Variants in NEURL1 observed in about 807,000 individuals in gnomAD.
NEURL1 encodes the protein E3 ubiquitin-protein ligase NEURL1.
In NEURL1, 26 loss-of-function variants were observed where a neutral mutation model predicts 41.2. The observed-to-expected ratio is 0.63, with a 90% CI of 0.46 to 0.87. The LOEUF is 0.87. Among genes scored for constraint, NEURL1 ranks in the 40% least tolerant of loss-of-function variants. NEURL1 has a pLI of 0.00. For synonymous variants in NEURL1, 400 were observed against 402.3 expected (o/e 0.99, Z 0.07); for missense variants, 761 against 871.1 (o/e 0.87, Z 1.59).
Position 103,509,073 on chromosome 10 carries a change from A to G in NEURL1, c.85+14601A>G, listed in dbSNP as rs550349370. On this transcript the variant is annotated intron_variant, in intron 1 of 5. Coordinates refer to ENST00000369780, the MANE Select transcript of NEURL1 (RefSeq NM_004210.5). Reference sequence around the variant, plus strand: ...GCGAAAGCCCATCTCTATTAAAAATACAAAACAATTAGCTGGGTGTGGTGG... The same window carrying G: ...GCGAAAGCCCATCTCTATTAAAAATGCAAAACAATTAGCTGGGTGTGGTGG... 2.0e-5 allele frequency among the ~76,000 whole-genome samples: 3 copies of G among 152,210 alleles called. No homozygotes were observed. The South Asian group carries it at 6.2e-4, about 32-fold the overall frequency.
intron 1 of NEURL1, among the ~76,000 whole-genome samples, chr10:103,567,313 A>G (rs1294325685): frequency 6.6e-6 from 1 of 150,896 alleles, no homozygotes; most frequent in Non-Finnish European, 1.5e-5. Flanking sequence ...CTTCGTTTAT[A>G]GGTTATGAGT....
chr10:103,565,454 TCTGTTTCACAG>T (rs1312122654), intron 1 of NEURL1, among the ~76,000 whole-genome samples: 1 of 152,152 alleles, frequency 6.6e-6, no homozygotes, highest in African/African-American at 2.4e-5. Flanking sequence ...GAACCCCCGT[TCTGTTTCACAG>T]CTGTGGAAGG....
At chr10:103,524,409 CTTGA>C (rs1243087517) in intron 1 of NEURL1, among the ~76,000 whole-genome samples, 5 of 152,220 alleles carry the variant, frequency 3.3e-5, no homozygotes, top group South Asian at 4.1e-4. Flanking sequence ...TCTTCATTCT[CTTGA>C]TTATTTCCCT....
chr10:103,590,129 C>T lies in NEURL1; in HGVS notation c.1487-5C>T, dbSNP rs1002799535. 3 of 1,613,290 alleles carry T rather than the reference C, an allele frequency of 1.9e-6. No homozygotes were observed. Among genetic ancestry groups the T allele is most frequent in the African/African-American group, 1.3e-5 (1 of 75,054 alleles). On this transcript the variant is annotated splice_polypyrimidine_tract_variant and splice_region_variant and intron_variant, in intron 5 of 5. Transcript: ENST00000369780. ...TCCTCCTGACTGGTGCCCCCTTGTC[C>T]TCAGGGACAGCCCCCAATTCGCCAG... is the stretch of plus-strand genomic sequence containing the variant.
rs757996205 is a variant in NEURL1, at chr10:103,494,366, G to A, written c.-22G>A. 1.3e-6 allele frequency: 2 copies of A among 1,565,156 alleles called. No homozygotes were observed. Among genetic ancestry groups the A allele is most frequent in the Non-Finnish European group, 1.7e-6 (2 of 1,154,628 alleles). On this transcript the variant is annotated 5_prime_UTR_variant, in exon 1 of 6. Transcript: ENST00000369780. ...GGCCTCGCCCCCACCCGCGAGCGCC[G>A]AACCTCCTGGGGCCGGATGCCATGG... is the stretch of plus-strand genomic sequence containing the variant.
intron 1 of NEURL1, among the ~76,000 whole-genome samples, chr10:103,525,911 A>T (rs1391327975): frequency 6.6e-6 from 1 of 152,084 alleles, no homozygotes; most frequent in African/African-American, 2.4e-5. Flanking sequence ...CTGTGTTGAG[A>T]TATACTCCTT....
chr10:103,586,102 G>A lies in NEURL1; in HGVS notation c.1339+877G>A, dbSNP rs534375669. Reference sequence around the variant, plus strand: ...CGGGGGCACAGGGTTTGAAAGGACTGGGGGGATGTGCATTGAGTTAAGAAA... The same window carrying A: ...CGGGGGCACAGGGTTTGAAAGGACTAGGGGGATGTGCATTGAGTTAAGAAA... On this transcript the variant is annotated intron_variant, in intron 4 of 5. Coordinates refer to ENST00000369780, the MANE Select transcript of NEURL1 (RefSeq NM_004210.5). Among the ~76,000 whole-genome samples, 365 of 152,086 alleles carry A rather than the reference G, an allele frequency of 2.4e-3. 3 individuals are homozygous for A. Among genetic ancestry groups the A allele is most frequent in the Non-Finnish European group, 4.1e-3 (279 of 67,984 alleles).
intron 1 of NEURL1, among the ~76,000 whole-genome samples, chr10:103,537,564 T>G (rs1043494822): frequency 6.6e-6 from 1 of 152,122 alleles, no homozygotes; most frequent in Non-Finnish European, 1.5e-5. Context: ...CGGCTAATTT[T>G]TGTAATTTTT....
intron 3 of NEURL1, among the ~76,000 whole-genome samples, chr10:103,578,195 C>T (rs2035705414): frequency 6.6e-6 from 1 of 152,218 alleles, no homozygotes; most frequent in African/African-American, 2.4e-5. Context: ...TAATTATACA[C>T]ACCCCACTTA....
intron 4 of NEURL1, among the ~76,000 whole-genome samples, chr10:103,586,395 AC>A (rs992059941): frequency 6.6e-6 from 1 of 150,816 alleles, no homozygotes; most frequent in Non-Finnish European, 1.5e-5. Flanking sequence ...AGATTCTTGG[AC>A]CCCCCCTCCA....
At chr10:103,588,582 A>G (rs892127939) in intron 4 of NEURL1, 2 of 331,838 alleles carry the variant, frequency 6.0e-6, no homozygotes, top group Non-Finnish European at 6.0e-6. Context: ...GATGCCTGGT[A>G]GGTCCTTGGT....
chr10:103,525,979 C>A (rs916883822), intron 1 of NEURL1, among the ~76,000 whole-genome samples: 2 of 152,086 alleles, frequency 1.3e-5, no homozygotes, highest in African/African-American at 4.8e-5. Context: ...TTATCAAGTA[C>A]TTTTTGTGCA....
intron 1 of NEURL1, among the ~76,000 whole-genome samples, chr10:103,559,855 CACATGT>C (rs1411022137): frequency 6.9e-6 from 1 of 144,346 alleles, no homozygotes; most frequent in Non-Finnish European, 1.5e-5. Flanking sequence ...CGCACACACA[CACATGT>C]ACATGTACAC....
intron 5 of NEURL1, 48 bp from the exon 6 acceptor site, chr10:103,590,086 G>GC (rs2036005713): frequency 6.4e-7 from 1 of 1,568,040 alleles, no homozygotes; most frequent in Non-Finnish European, 8.7e-7. Context: ...TGAATCCAGC[G>GC]CCGGGTTGGG....
chr10:103,581,065 A>G (rs2035774583), intron 3 of NEURL1, among the ~76,000 whole-genome samples: 1 of 152,210 alleles, frequency 6.6e-6, no homozygotes, highest in Non-Finnish European at 1.5e-5. Context: ...GCTCAAGCCA[A>G]GCAAATACTA....
intron 1 of NEURL1, among the ~76,000 whole-genome samples, chr10:103,495,381 T>G (rs964404254): frequency 2.0e-5 from 3 of 152,220 alleles, no homozygotes; most frequent in African/African-American, 4.8e-5. Flanking sequence ...AATACCCCAC[T>G]TCCTAAGCTC....
chr10:103,512,067 T>C (rs1456246024), intron 1 of NEURL1: 1 of 152,200 alleles, frequency 6.6e-6, no homozygotes, highest in African/African-American at 2.4e-5. Context: ...GGCACAGATG[T>C]TCTTTGGGTG....
chr10:103,552,251 C>T (rs906499557), intron 1 of NEURL1, among the ~76,000 whole-genome samples: 1 of 152,204 alleles, frequency 6.6e-6, no homozygotes, highest in East Asian at 1.9e-4. Context: ...TGCCTCCCTG[C>T]TGCAGGACTT....
In NEURL1 at chr10:103,586,943, C is replaced by T. The variant is rs571138110; in HGVS notation, c.1339+1718C>T. Reference sequence around the variant, plus strand: ...GTGCACGCCTGTAAGCCCAGCTACTCGGGAGGTTGAGGCAGGAGAATCACT... The same window carrying T: ...GTGCACGCCTGTAAGCCCAGCTACTTGGGAGGTTGAGGCAGGAGAATCACT... On this transcript the variant is annotated intron_variant, in intron 4 of 5. Transcript: ENST00000369780. Among the ~76,000 whole-genome samples, 36 of 152,106 alleles carry T rather than the reference C, an allele frequency of 2.4e-4. No individual in the cohort carries two copies. In the South Asian group the frequency reaches 6.2e-3, roughly 26 times the overall value.
Sources: gnomAD v4.1 joint callset for allele counts (sites outside exome capture counted in the v4.1 genomes callset) on GRCh38, gnomAD v4.1.1 for gene constraint, MANE v1.5 for transcripts, NCBI Gene and HGNC (gene_info 2026-07-23, HGNC 2026-07-21) for gene names.